Variants in FGF12 observed in about 807,000 individuals in gnomAD.
The protein encoded by FGF12 is fibroblast growth factor 12.
A neutral mutation model predicts 23.6 loss-of-function variants in FGF12; 14 were observed. The observed-to-expected ratio is 0.59, with a 90% CI of 0.39 to 0.93. The LOEUF is 0.93. Among genes scored for constraint, FGF12 ranks in the 40% least tolerant of loss-of-function variants. The pLI is 0.00. For synonymous variants in FGF12, 62 were observed against 77.3 expected (o/e 0.80, Z 1.04); for missense variants, 175 against 217.8 (o/e 0.80, Z 1.24).
chr3:192,260,867 G>C (rs1258941055), intron 4 of FGF12, among the ~76,000 whole-genome samples: 1 of 152,140 alleles, frequency 6.6e-6, no homozygotes, highest in African/African-American at 2.4e-5. Context: ...AGCCTGACCA[G>C]CTGCTTTGAT....
At chr3:192,270,957 T>G (rs1713399445) in intron 4 of FGF12, among the ~76,000 whole-genome samples, 1 of 152,026 alleles carries the variant, frequency 6.6e-6, no homozygotes, top group African/African-American at 2.4e-5. Flanking sequence ...GATATGTAGG[T>G]TTTTCTTGCC....
chr3:192,371,313 A>G (rs1228419088), intron 2 of FGF12, among the ~76,000 whole-genome samples: 1 of 152,238 alleles, frequency 6.6e-6, no homozygotes, highest in East Asian at 1.9e-4. Flanking sequence ...CCCTGGAGTC[A>G]GAGCTCTTTA....
chr3:192,271,145 A>G (rs1390130748), intron 4 of FGF12, among the ~76,000 whole-genome samples: 1 of 152,184 alleles, frequency 6.6e-6, no homozygotes, highest in Non-Finnish European at 1.5e-5. Context: ...TAAGACATCC[A>G]TGCATCATTT....
intron 2 of FGF12, among the ~76,000 whole-genome samples, chr3:192,505,488 G>T (rs1724264049): frequency 6.6e-6 from 1 of 152,114 alleles, no homozygotes; most frequent in African/African-American, 2.4e-5. Flanking sequence ...GATAACTTTT[G>T]TTTAAAAAAT....
chr3:192,576,268 C>T (rs562773550), intron 2 of FGF12, among the ~76,000 whole-genome samples: 17 of 152,256 alleles, frequency 1.1e-4, no homozygotes, highest in African/African-American at 4.1e-4. Context: ...TTCATATTCA[C>T]CATATGATTT....
At chr3:192,580,754 T>C (rs1023057302) in intron 2 of FGF12, among the ~76,000 whole-genome samples, 6 of 152,116 alleles carry the variant, frequency 3.9e-5, no homozygotes, top group African/African-American at 9.7e-5. Flanking sequence ...ATTACAGGCA[T>C]GCACCACTGT....
At chr3:192,427,935 C>A (rs1721743812) in intron 2 of FGF12, among the ~76,000 whole-genome samples, 1 of 152,226 alleles carries the variant, frequency 6.6e-6, no homozygotes, top group African/African-American at 2.4e-5. Flanking sequence ...TTGCTTAGAT[C>A]AGAGTGCAGA....
intron 2 of FGF12, among the ~76,000 whole-genome samples, chr3:192,671,425 G>A (rs1022247892): frequency 2.0e-5 from 3 of 152,064 alleles, no homozygotes; most frequent in African/African-American, 7.2e-5. Flanking sequence ...AAATATTTGT[G>A]GGGCTTTCAG....
At chr3:192,591,164 C>T (rs1443835518) in intron 2 of FGF12, among the ~76,000 whole-genome samples, 2 of 151,298 alleles carry the variant, frequency 1.3e-5, no homozygotes, top group Non-Finnish European at 3.0e-5. Flanking sequence ...AACCCAGTTC[C>T]TTCATAGGCA....
chr3:192,442,808 C>CTT (rs764710938), intron 2 of FGF12, among the ~76,000 whole-genome samples: 35 of 139,748 alleles, frequency 2.5e-4, no homozygotes, highest in African/African-American at 7.1e-4. Context: ...TGTATTCTAT[C>CTT]TTTTTTTTTT....
intron 2 of FGF12, among the ~76,000 whole-genome samples, chr3:192,567,226 A>G (rs1184261592): frequency 6.6e-6 from 1 of 152,198 alleles, no homozygotes; most frequent in East Asian, 1.9e-4. Context: ...GATCTGGGGA[A>G]ATATAATATG....
intron 2 of FGF12, among the ~76,000 whole-genome samples, chr3:192,524,319 G>GCAGC (rs2108847594): frequency 6.6e-6 from 1 of 152,310 alleles, no homozygotes; most frequent in African/African-American, 2.4e-5. Context: ...GAAGCAGAAG[G>GCAGC]CAGCCATTCA....
chr3:192,613,333 A>G (rs529147015), intron 2 of FGF12, among the ~76,000 whole-genome samples: 48 of 152,006 alleles, frequency 3.2e-4, no homozygotes, highest in African/African-American at 1.1e-3. Flanking sequence ...GATAGAGGAA[A>G]TTGTAACAGA....
intron 4 of FGF12, among the ~76,000 whole-genome samples, chr3:192,287,573 A>G (rs1714523850): frequency 6.6e-6 from 1 of 152,060 alleles, no homozygotes; most frequent in Non-Finnish European, 1.5e-5. Flanking sequence ...AAGCCAGCCA[A>G]AATAGTAAAA....
intron 4 of FGF12, among the ~76,000 whole-genome samples, chr3:192,178,116 G>A (rs892118662): frequency 6.6e-6 from 1 of 152,062 alleles, no homozygotes; most frequent in Non-Finnish European, 1.5e-5. Context: ...AAATGGGAAA[G>A]GCCTCTTTCT....
intron 2 of FGF12, among the ~76,000 whole-genome samples, chr3:192,393,964 T>G (rs922233957): frequency 6.6e-6 from 1 of 152,318 alleles, no homozygotes; most frequent in African/African-American, 2.4e-5. Context: ...AATTAAGGCA[T>G]GACTTGCCTC....
At position 192,140,481 on chromosome 3, in the gene FGF12, T is replaced by C. The variant is rs919199263; in HGVS notation, c.*3528A>G. 36 of 152,036 alleles carry C rather than the reference T, an allele frequency of 2.4e-4. No homozygotes were observed. The highest frequency in any genetic ancestry group is 8.2e-4 in the African/African-American group (34 of 41,446). The allele number at this position is 152,036 out of a possible 1,614,324, so 9.4% of individuals were successfully genotyped here. A position where few individuals can be genotyped will look rare whatever the true frequency, so the allele number is the denominator to read the frequency against. ...TGTTTTTAAAAAATTACTGGCAACG[T>C]AGTCATACTTACTTCTTCACCAAGA... On this transcript the variant is annotated 3_prime_UTR_variant, in exon 6 of 6. Transcript: ENST00000445105.
intron 2 of FGF12, among the ~76,000 whole-genome samples, chr3:192,432,776 C>T (rs1721902705): frequency 6.6e-6 from 1 of 152,164 alleles, no homozygotes; most frequent in African/African-American, 2.4e-5. Context: ...ACGGCAAACA[C>T]TTGGCAGTTT....
At chr3:192,533,834 A>C (rs1467603617) in intron 2 of FGF12, among the ~76,000 whole-genome samples, 1 of 152,228 alleles carries the variant, frequency 6.6e-6, no homozygotes, top group East Asian at 1.9e-4. Flanking sequence ...TTTGCATTGC[A>C]TACTGTGATT....
Sources: gnomAD v4.1 joint callset for allele counts (sites outside exome capture counted in the v4.1 genomes callset) on GRCh38, gnomAD v4.1.1 for gene constraint, MANE v1.5 for transcripts, NCBI Gene and HGNC (gene_info 2026-07-23, HGNC 2026-07-21) for gene names.